The following RPS6KA5 variants were observed in gnomAD, a reference collection of about 807,000 sequenced individuals.
RPS6KA5 encodes the protein ribosomal protein S6 kinase A5.
RPS6KA5 carries 27 observed loss-of-function variants against 85.5 expected under a neutral mutation model. That is an observed-to-expected ratio of 0.32 (90% confidence interval 0.23 to 0.44). The LOEUF (loss-of-function observed/expected upper bound fraction) is 0.44. Among genes scored for constraint, RPS6KA5 ranks in the 20% least tolerant of loss-of-function variants. The pLI, the probability that RPS6KA5 is intolerant of heterozygous loss-of-function variation, is 1.00. For missense variants in RPS6KA5, 811 were observed against 980.9 expected, an observed-to-expected ratio of 0.83 and a Z score of 2.31; for synonymous variants, 334 against 348.2, an observed-to-expected ratio of 0.96 and a Z score of 0.46.
chr14:90,914,237 C>T (rs563804408), intron 7 of RPS6KA5, among the ~76,000 whole-genome samples: 149 of 150,892 alleles, frequency 9.9e-4, no homozygotes, highest in Non-Finnish European at 1.4e-3. Flanking sequence ...ACTAAGAAGG[C>T]CTGGGAAATG....
chr14:90,902,094 C>T (rs1318504420), intron 9 of RPS6KA5, among the ~76,000 whole-genome samples: 1 of 151,666 alleles, frequency 6.6e-6, no homozygotes, highest in Non-Finnish European at 1.5e-5. Context: ...GCAAGAGGAT[C>T]CCCTGAGCCA....
intron 3 of RPS6KA5, among the ~76,000 whole-genome samples, chr14:90,967,032 A>C (rs912681760): frequency 1.3e-5 from 2 of 152,188 alleles, no homozygotes; most frequent in African/African-American, 4.8e-5. Context: ...TTATGACAAT[A>C]ATTAAAAATA....
intron 3 of RPS6KA5, among the ~76,000 whole-genome samples, chr14:90,975,651 C>G (rs927829607): frequency 3.3e-5 from 5 of 152,182 alleles, no homozygotes; most frequent in Non-Finnish European, 7.3e-5. Flanking sequence ...AAATAAATGT[C>G]TATTGTTTAA....
intron 2 of RPS6KA5, 48 bp downstream of exon 2, chr14:91,001,037 GAAT>G (rs1484957633): frequency 9.8e-7 from 1 of 1,019,216 alleles, no homozygotes. Context: ...TTCATCATAG[GAAT>G]AATAAGTACT....
At chr14:90,962,130 G>C (rs2038827674) in intron 3 of RPS6KA5, among the ~76,000 whole-genome samples, 1 of 152,136 alleles carries the variant, frequency 6.6e-6, no homozygotes. Flanking sequence ...AGATTACACT[G>C]TTTTGGAAAA....
chr14:90,986,316 A>G (rs777339714), intron 2 of RPS6KA5, among the ~76,000 whole-genome samples: 5 of 152,234 alleles, frequency 3.3e-5, no homozygotes, highest in Non-Finnish European at 5.9e-5. Context: ...GAAGAATCAT[A>G]TTAATCACTC....
At chr14:90,962,293 A>G (rs1473891023) in intron 3 of RPS6KA5, among the ~76,000 whole-genome samples, 1 of 123,988 alleles carries the variant, frequency 8.1e-6, no homozygotes, top group Non-Finnish European at 1.7e-5. Context: ...TTTTACAAAA[A>G]ACTTATCTTG....
intron 9 of RPS6KA5, 27 bp downstream of exon 9, chr14:90,902,781 G>A (rs202170577): frequency 1.1e-4 from 180 of 1,601,248 alleles, no homozygotes; most frequent in Non-Finnish European, 1.4e-4. Flanking sequence ...TATGGCCAAT[G>A]TGCATGTGCA....
In RPS6KA5 at chr14:90,969,623, T is replaced by A. The variant is rs555998595; in HGVS notation, c.394+8683A>T. On this transcript the variant is annotated intron_variant, in intron 3 of 16. Transcript: ENST00000614987. Reference sequence around the variant, plus strand: ...GGGGAAGTCGTAGAGTTAACAGAAATCCTACATCTCCTGCTTTCAAGGAAA... The same window carrying A: ...GGGGAAGTCGTAGAGTTAACAGAAAACCTACATCTCCTGCTTTCAAGGAAA... Among the ~76,000 whole-genome samples the A allele has an allele frequency of 9.0e-4, 137 of 152,286 alleles. 1 individual carries two copies. The highest frequency in any genetic ancestry group is 3.3e-3 in the African/African-American group (136 of 41,564).
intron 7 of RPS6KA5, among the ~76,000 whole-genome samples, chr14:90,913,801 G>T (rs1264940333): frequency 6.6e-6 from 1 of 152,174 alleles, no homozygotes; most frequent in Non-Finnish European, 1.5e-5. Flanking sequence ...GACCTTGGGG[G>T]TTCCTTGGAG....
At chr14:90,923,048 T>TTC (rs1237139762) in intron 6 of RPS6KA5, 65 bp downstream of exon 6, 3 of 1,201,964 alleles carry the variant, frequency 2.5e-6, no homozygotes, top group Non-Finnish European at 3.6e-6. Context: ...ACCTAAGTTG[T>TTC]TAACTAGGAT....
chr14:90,879,736 G>A (rs553705433), intron 14 of RPS6KA5, among the ~76,000 whole-genome samples: 9 of 151,390 alleles, frequency 5.9e-5, no homozygotes, highest in East Asian at 1.9e-4. Context: ...TTCAGGTTTC[G>A]CTTTCCGGGG....
chr14:91,013,573 G>C (rs1334073329), intron 1 of RPS6KA5, among the ~76,000 whole-genome samples: 1 of 152,166 alleles, frequency 6.6e-6, no homozygotes, highest in Admixed American at 6.5e-5. Context: ...CAGATGCATG[G>C]GAAGGAAAGG....
chr14:90,973,528 T>C (rs1355420948), intron 3 of RPS6KA5, among the ~76,000 whole-genome samples: 1 of 151,396 alleles, frequency 6.6e-6, no homozygotes, highest in East Asian at 1.9e-4. Context: ...CCCAAACAAG[T>C]AGAAAATGAC....
At position 90,854,360 on chromosome 14, in the gene RPS6KA5, C is replaced by T. The variant is rs1051085199; in HGVS notation, c.*17714G>A. On this transcript the variant is annotated 3_prime_UTR_variant, in exon 17 of 17. Coordinates refer to ENST00000614987, the MANE Select transcript of RPS6KA5 (RefSeq NM_004755.4). ...ACTTAACATGAAATCAGCACAGAAA[C>T]TAAGTTTTTAGAAATAGCCTACATA... The T allele has an allele frequency of 1.3e-5, 2 of 151,982 alleles. No individual in the cohort carries two copies. The highest frequency in any genetic ancestry group is 2.9e-5 in the Non-Finnish European group (2 of 67,982). 9.4% of individuals were successfully genotyped at this position (151,982 alleles called of 1,614,324 possible). A position where few individuals can be genotyped will look rare whatever the true frequency, so the allele number is the denominator to read the frequency against.
intron 1 of RPS6KA5, among the ~76,000 whole-genome samples, chr14:91,056,265 G>C (rs1204809170): frequency 6.6e-6 from 1 of 152,148 alleles, no homozygotes; most frequent in Non-Finnish European, 1.5e-5. Context: ...TCTTCTTAGA[G>C]TTTAGTTTTA....
intron 1 of RPS6KA5, among the ~76,000 whole-genome samples, chr14:91,020,533 ACTGT>A (rs748669864): frequency 0.018 from 1,378 of 77,400 alleles, 9 homozygotes; most frequent in Non-Finnish European, 0.023. Context: ...CTAAGGAATG[ACTGT>A]GTGTGTGTGT....
At chr14:91,058,614 T>C (rs185428573) in intron 1 of RPS6KA5, among the ~76,000 whole-genome samples, 27 of 152,306 alleles carry the variant, frequency 1.8e-4, no homozygotes, top group Admixed American at 1.5e-3. Flanking sequence ...AGAAAGCACC[T>C]GACACTGAGT....
At chr14:90,891,045 C>T (rs967779003) in intron 13 of RPS6KA5, among the ~76,000 whole-genome samples, 1 of 151,936 alleles carries the variant, frequency 6.6e-6, no homozygotes, top group Non-Finnish European at 1.5e-5. Context: ...GAAGTTAAAA[C>T]GTTTAATATT....
Sources: allele counts gnomAD v4.1 joint callset (sites outside exome capture counted in the v4.1 genomes callset), GRCh38; gene constraint gnomAD v4.1.1; transcripts MANE v1.5; gene names NCBI Gene and HGNC (gene_info 2026-07-23, HGNC 2026-07-21).